Variants in WWOX observed in about 807,000 individuals in gnomAD.
WWOX encodes the protein WW domain containing oxidoreductase, also known as WW domain-containing oxidoreductase.
Under a neutral mutation model 46.2 loss-of-function variants are expected in WWOX, and 69 were observed. The ratio of observed to expected loss-of-function variants is 1.49; its 90% CI spans 1.23 to 1.82. The LOEUF is 1.82. WWOX is among the 40% of genes most tolerant of loss of function. WWOX has a pLI of 0.00. For missense variants in WWOX, 919 were observed against 542.6 expected (o/e 1.69, Z -6.89); for synonymous variants, 359 against 202.6 (o/e 1.77, Z -6.56).
intron 8 of WWOX, among the ~76,000 whole-genome samples, chr16:78,543,191 G>A (rs938367596): frequency 3.3e-5 from 5 of 152,224 alleles, no homozygotes; most frequent in Non-Finnish European, 7.3e-5. Flanking sequence ...ATCTGGCACA[G>A]ATGGCCTTCT....
intron 8 of WWOX, among the ~76,000 whole-genome samples, chr16:79,064,534 G>A (rs2048408958): frequency 6.6e-6 from 1 of 152,230 alleles, no homozygotes; most frequent in Non-Finnish European, 1.5e-5. Context: ...GACACCTGGA[G>A]CATCTTCAGG....
intron 8 of WWOX, among the ~76,000 whole-genome samples, chr16:78,619,581 G>C (rs2046126175): frequency 6.6e-6 from 1 of 151,704 alleles, no homozygotes; most frequent in South Asian, 2.1e-4. Context: ...GTTAAATACA[G>C]AAGTAAATGG....
At chr16:78,537,596 A>T (rs956895608) in intron 8 of WWOX, among the ~76,000 whole-genome samples, 16 of 152,086 alleles carry the variant, frequency 1.1e-4, no homozygotes, top group Admixed American at 4.6e-4. Flanking sequence ...GAACCAATTC[A>T]TCTGTGAAAA....
At chr16:78,659,095 A>T (rs954859501) in intron 8 of WWOX, among the ~76,000 whole-genome samples, 2 of 148,040 alleles carry the variant, frequency 1.4e-5, no homozygotes, top group Non-Finnish European at 3.0e-5. Flanking sequence ...CCGTCTCAAA[A>T]AAAAACAAAC....
chr16:78,102,511 A>G (rs1192077083), intron 1 of WWOX, among the ~76,000 whole-genome samples: 2 of 152,240 alleles, frequency 1.3e-5, no homozygotes, highest in East Asian at 3.9e-4. Flanking sequence ...GCAGAGCTCC[A>G]GTAGCCTTTG....
At chr16:78,953,469 A>G (rs997126152) in intron 8 of WWOX, among the ~76,000 whole-genome samples, 6 of 94,356 alleles carry the variant, frequency 6.4e-5, no homozygotes, top group Non-Finnish European at 1.3e-4. Context: ...GCCCCACTCT[A>G]TGTATGCAGT....
At chr16:78,243,575 C>T (rs1441528441) in intron 5 of WWOX, among the ~76,000 whole-genome samples, 1 of 152,104 alleles carries the variant, frequency 6.6e-6, no homozygotes, top group Non-Finnish European at 1.5e-5. Context: ...GAGACAGAGT[C>T]TCACTCTGTC....
intron 8 of WWOX, among the ~76,000 whole-genome samples, chr16:78,524,850 A>T (rs1044677068): frequency 1.8e-3 from 146 of 82,316 alleles, no homozygotes; most frequent in Middle Eastern, 8.5e-3. Context: ...GAATGCGTTG[A>T]TTTTGTTTTT....
At chr16:78,530,268 G>T (rs1257608317) in intron 8 of WWOX, among the ~76,000 whole-genome samples, 3 of 152,178 alleles carry the variant, frequency 2.0e-5, no homozygotes, top group Non-Finnish European at 4.4e-5. Flanking sequence ...TAACAGTTCA[G>T]TGGAGGGTCA....
chr16:78,280,048 G>A (rs1306771891), intron 5 of WWOX, among the ~76,000 whole-genome samples: 1 of 152,242 alleles, frequency 6.6e-6, no homozygotes, highest in African/African-American at 2.4e-5. Context: ...CAGGCAACTG[G>A]AGTTTCGTCA....
intron 5 of WWOX, among the ~76,000 whole-genome samples, chr16:78,169,814 G>C (rs992162991): frequency 6.6e-6 from 1 of 152,084 alleles, no homozygotes; most frequent in Non-Finnish European, 1.5e-5. Flanking sequence ...GATTGAGAGA[G>C]AGGAGAGGGA....
At chr16:78,373,674 A>G (rs147502458) in intron 5 of WWOX, among the ~76,000 whole-genome samples, 52 of 152,072 alleles carry the variant, frequency 3.4e-4, no homozygotes, top group Non-Finnish European at 5.0e-4. Flanking sequence ...CTGCCTTTCA[A>G]TGTGTGAATT....
At chr16:78,330,040 C>T (rs544191000) in intron 5 of WWOX, among the ~76,000 whole-genome samples, 1 of 152,276 alleles carries the variant, frequency 6.6e-6, no homozygotes, top group East Asian at 1.9e-4. Flanking sequence ...AGGCATGAGT[C>T]ACTGCCTGGT....
intron 5 of WWOX, among the ~76,000 whole-genome samples, chr16:78,235,220 C>T (rs1488784829): frequency 6.6e-6 from 1 of 152,156 alleles, no homozygotes; most frequent in African/African-American, 2.4e-5. Flanking sequence ...TCAAACAGCT[C>T]AGTACTTTAA....
At chr16:78,977,217 CAG>C (rs1208865871) in intron 8 of WWOX, among the ~76,000 whole-genome samples, 1 of 152,220 alleles carries the variant, frequency 6.6e-6, no homozygotes, top group East Asian at 1.9e-4. Flanking sequence ...CTTCTTCAGA[CAG>C]GAGAGCCCTG....
intron 5 of WWOX, among the ~76,000 whole-genome samples, chr16:78,253,594 G>A (rs2038042320): frequency 6.6e-6 from 1 of 152,134 alleles, no homozygotes; most frequent in Non-Finnish European, 1.5e-5. Flanking sequence ...TGAATGCCAT[G>A]ATTTCACAAA....
At chr16:78,636,011 C>T (rs545859629) in intron 8 of WWOX, among the ~76,000 whole-genome samples, 9 of 152,144 alleles carry the variant, frequency 5.9e-5, no homozygotes, top group African/African-American at 1.2e-4. Flanking sequence ...CCTGCCAACA[C>T]GAAGGTAGAT....
intron 8 of WWOX, among the ~76,000 whole-genome samples, chr16:78,925,529 G>T (rs1271980735): frequency 1.3e-5 from 2 of 152,192 alleles, no homozygotes; most frequent in African/African-American, 4.8e-5. Flanking sequence ...TATGTGTGTT[G>T]TTTTCTGCTT....
intron 8 of WWOX, among the ~76,000 whole-genome samples, chr16:79,114,179 G>T (rs906847071): frequency 5.9e-5 from 9 of 152,046 alleles, no homozygotes; most frequent in African/African-American, 2.2e-4. Context: ...TCTATTATGG[G>T]TTGAATTGCA....
Sources: allele counts gnomAD v4.1 joint callset (sites outside exome capture counted in the v4.1 genomes callset), GRCh38; gene constraint gnomAD v4.1.1; transcripts MANE v1.5; gene names NCBI Gene and HGNC (gene_info 2026-07-23, HGNC 2026-07-21).